The following THSD7B variants were observed in gnomAD, a reference collection of about 807,000 sequenced individuals.
THSD7B encodes thrombospondin type-1 domain-containing protein 7B.
THSD7B carries 138 observed loss-of-function variants against 213.6 expected under a neutral mutation model. The observed-to-expected ratio is 0.65, with a 90% CI of 0.56 to 0.74. The LOEUF (loss-of-function observed/expected upper bound fraction) is 0.74. THSD7B is among the 30% of genes least tolerant of loss of function. THSD7B has a pLI of 0.00. For missense variants in THSD7B, 1,931 were observed against 1,991.5 expected, an observed-to-expected ratio of 0.97 and a Z score of 0.58; for synonymous variants, 742 against 687.0, an observed-to-expected ratio of 1.08 and a Z score of -1.25.
intron 2 of THSD7B, among the ~76,000 whole-genome samples, chr2:136,954,788 A>T (rs1308489142): frequency 1.3e-5 from 2 of 149,994 alleles, no homozygotes; most frequent in East Asian, 2.0e-4. Flanking sequence ...TTTGACTGTT[A>T]TACTAGACTG....
At chr2:137,194,739 C>A (rs10180812) in intron 7 of THSD7B, among the ~76,000 whole-genome samples, 145,204 of 152,188 alleles carry the variant, frequency 0.95, 69,347 homozygotes, top group East Asian at 1. Flanking sequence ...ATACATGTAC[C>A]TGAACACTAC....
chr2:136,994,324 T>G (rs1685840337), intron 2 of THSD7B, among the ~76,000 whole-genome samples: 1 of 152,088 alleles, frequency 6.6e-6, no homozygotes, highest in South Asian at 2.1e-4. Context: ...CCCAGCAGTT[T>G]GGGAGGCTGA....
chr2:137,054,385 C>A (rs9784168), intron 2 of THSD7B, among the ~76,000 whole-genome samples: 18,877 of 152,156 alleles, frequency 0.12, 1,914 homozygotes, highest in African/African-American at 0.28. Flanking sequence ...GCCAAGAATG[C>A]CAGGTGTATA....
At chr2:137,085,989 A>G (rs897207474) in intron 3 of THSD7B, among the ~76,000 whole-genome samples, 1 of 152,160 alleles carries the variant, frequency 6.6e-6, no homozygotes, top group African/African-American at 2.4e-5. Flanking sequence ...GTCAACATCT[A>G]TGTACATATA....
At chr2:137,612,512 G>A (rs1465796825) in intron 17 of THSD7B, among the ~76,000 whole-genome samples, 1 of 152,132 alleles carries the variant, frequency 6.6e-6, no homozygotes, top group African/African-American at 2.4e-5. Flanking sequence ...CAGTAACATG[G>A]TCACTTAACT....
At chr2:137,616,088 C>A in intron 17 of THSD7B, 87 bp from the exon 18 acceptor site, 2 of 1,345,808 alleles carry the variant, frequency 1.5e-6, no homozygotes, top group South Asian at 1.5e-5. Context: ...TATATTGTTA[C>A]ATATGTGCCT....
intron 12 of THSD7B, among the ~76,000 whole-genome samples, chr2:137,343,622 C>G (rs1056611769): frequency 6.6e-6 from 1 of 151,662 alleles, no homozygotes; most frequent in Non-Finnish European, 1.5e-5. Flanking sequence ...TCCCCAGATA[C>G]TGCCACTCAG....
At chr2:137,411,090 T>C (rs553290700) in intron 13 of THSD7B, among the ~76,000 whole-genome samples, 7 of 152,380 alleles carry the variant, frequency 4.6e-5, no homozygotes, top group Non-Finnish European at 1.0e-4. Flanking sequence ...TTATCCAGTA[T>C]GACTTGATCA....
At chr2:137,505,051 A>T (rs1679803927) in intron 15 of THSD7B, among the ~76,000 whole-genome samples, 1 of 151,726 alleles carries the variant, frequency 6.6e-6, no homozygotes, top group South Asian at 2.1e-4. Flanking sequence ...GGAGGGAGGG[A>T]GGGAGGAGCA....
intron 12 of THSD7B, among the ~76,000 whole-genome samples, chr2:137,329,031 G>A (rs1228957501): frequency 2.0e-5 from 3 of 152,190 alleles, no homozygotes; most frequent in Non-Finnish European, 4.4e-5. Context: ...CTAGGGTGCT[G>A]CCATAAAGAT....
chr2:137,033,992 C>G (rs1326614922), intron 2 of THSD7B, among the ~76,000 whole-genome samples: 2 of 151,750 alleles, frequency 1.3e-5, no homozygotes, highest in Non-Finnish European at 2.9e-5. Context: ...CCTCCCGCCC[C>G]CCATGTCCAA....
chr2:137,158,888 A>G (rs1046903219), intron 5 of THSD7B, among the ~76,000 whole-genome samples: 5 of 152,204 alleles, frequency 3.3e-5, no homozygotes, highest in East Asian at 1.9e-4. Flanking sequence ...TATTTAGACA[A>G]TAGTACAAAC....
intron 2 of THSD7B, among the ~76,000 whole-genome samples, chr2:137,007,826 TTAAC>T (rs958014966): frequency 6.6e-6 from 1 of 152,194 alleles, no homozygotes; most frequent in Non-Finnish European, 1.5e-5. Flanking sequence ...GTCTTTTTAT[TTAAC>T]TATGAGTCAC....
intron 1 of THSD7B, among the ~76,000 whole-genome samples, chr2:136,812,365 T>C (rs1048825910): frequency 1.3e-5 from 2 of 152,210 alleles, no homozygotes; most frequent in African/African-American, 4.8e-5. Context: ...CACAGTACTT[T>C]AGTTGACCTG....
chr2:136,898,461 A>G (rs951309923), intron 2 of THSD7B, among the ~76,000 whole-genome samples: 2 of 150,080 alleles, frequency 1.3e-5, no homozygotes, highest in Non-Finnish European at 3.0e-5. Context: ...CATGAGCCAC[A>G]GCGCCCAGCC....
chr2:137,453,193 TG>T (rs1331116924), intron 15 of THSD7B, among the ~76,000 whole-genome samples: 1 of 152,138 alleles, frequency 6.6e-6, no homozygotes, highest in Non-Finnish European at 1.5e-5. Flanking sequence ...GTTTATTTAT[TG>T]TAAGTTGACA....
At chr2:137,071,238 G>A (rs1282984534) in intron 3 of THSD7B, among the ~76,000 whole-genome samples, 7 of 152,136 alleles carry the variant, frequency 4.6e-5, no homozygotes, top group Admixed American at 4.6e-4. Context: ...TTTCCTGACT[G>A]TTTAATGATC....
At chr2:137,130,305 A>G (rs1227987131) in intron 5 of THSD7B, among the ~76,000 whole-genome samples, 4 of 152,106 alleles carry the variant, frequency 2.6e-5, no homozygotes, top group Non-Finnish European at 5.9e-5. Context: ...CATTTGCTCA[A>G]AGGGCTGTGC....
chr2:137,236,323 C>T (rs1459015961), intron 9 of THSD7B, among the ~76,000 whole-genome samples: 2 of 152,160 alleles, frequency 1.3e-5, no homozygotes, highest in African/African-American at 4.8e-5. Context: ...CTCGCAAGTT[C>T]TTGTGTCCCT....
Sources: allele counts gnomAD v4.1 joint callset (sites outside exome capture counted in the v4.1 genomes callset), GRCh38; gene constraint gnomAD v4.1.1; transcripts MANE v1.5; gene names NCBI Gene and HGNC (gene_info 2026-07-23, HGNC 2026-07-21).